The following PTCHD1 variants were observed in gnomAD, a reference collection of about 807,000 sequenced individuals.
PTCHD1 encodes patched domain containing 1, also known as patched domain-containing protein 1.
PTCHD1 carries 3 observed loss-of-function variants against 34.6 expected under a neutral mutation model. That is an observed-to-expected ratio of 0.09 (90% CI 0.04 to 0.22). PTCHD1 has a LOEUF of 0.22. Among genes scored for constraint, PTCHD1 ranks in the 10% least tolerant of loss-of-function variants. The probability of loss-of-function intolerance (pLI) is 1.00; values close to 1 mark genes in which losing one functional copy is unlikely to be tolerated. For synonymous variants in PTCHD1, 305 were observed against 283.1 expected, an observed-to-expected ratio of 1.08 and a Z score of -0.77; for missense variants, 504 against 685.5, an observed-to-expected ratio of 0.74 and a Z score of 2.96.
intron 2 of PTCHD1, among the ~76,000 whole-genome samples, chrX:23,383,958 C>T (rs1233900823): frequency 1.8e-5 from 2 of 112,361 alleles, no homozygotes; most frequent in Non-Finnish European, 3.8e-5. Flanking sequence ...TGAAGATTTA[C>T]ACCATTATTC....
intron 1 of PTCHD1, among the ~76,000 whole-genome samples, chrX:23,368,795 G>T (rs1315654498): frequency 1.8e-5 from 2 of 111,843 alleles, no homozygotes; most frequent in Non-Finnish European, 3.8e-5. Context: ...GGGTGCGGTG[G>T]CTCACGCCTG....
In PTCHD1 at chrX:23,394,271, C is replaced by T; in HGVS notation, c.*86C>T. The T allele has an allele frequency of 1.6e-6, 1 of 622,548 alleles. No homozygotes were observed. Among genetic ancestry groups the T allele is most frequent in the Non-Finnish European group, 2.4e-6 (1 of 411,559 alleles). The allele number at this position is 622,548 out of a possible 1,213,427, so 51.3% of individuals were successfully genotyped here. A position where few individuals can be genotyped will look rare whatever the true frequency, so the allele number is the denominator to read the frequency against. ...TGAAACAATTAAATTCAAAGTTCTT[C>T]CCTTTTTTAAAGATAGGAAACAGGC... On this transcript the variant is annotated 3_prime_UTR_variant, in exon 3 of 3. Transcript: ENST00000379361.
At chrX:23,352,533 G>C (rs747816702) in intron 1 of PTCHD1, among the ~76,000 whole-genome samples, 17 of 111,724 alleles carry the variant, frequency 1.5e-4, no homozygotes, top group Non-Finnish European at 2.6e-4. Context: ...TATTAACTCC[G>C]AGAATTATTT....
intron 1 of PTCHD1, chrX:23,351,293 T>C (rs770939641): frequency 1.2e-6 from 1 of 852,959 alleles, no homozygotes; most frequent in Non-Finnish European, 1.7e-6. Context: ...ACACAAAAGA[T>C]GTTGGACAAC....
intron 2 of PTCHD1, among the ~76,000 whole-genome samples, chrX:23,390,989 T>C (rs932223546): frequency 1.8e-5 from 2 of 111,977 alleles, no homozygotes; most frequent in South Asian, 7.5e-4. Flanking sequence ...CTGATCCCCA[T>C]TGCCAAGACA....
upstream of PTCHD1, chrX:23,334,823 A>C: frequency 1.2e-6 from 1 of 850,687 alleles, no homozygotes; most frequent in Non-Finnish European, 1.5e-6. Context: ...CCGCCGCCCG[A>C]ACCCGCGCCG....
At chrX:23,369,260 C>G (rs1922220841) in intron 1 of PTCHD1, among the ~76,000 whole-genome samples, 1 of 111,144 alleles carries the variant, frequency 9.0e-6, no homozygotes, top group Admixed American at 9.6e-5. Flanking sequence ...CTGTTTAGTA[C>G]TGGTCGGAGT....
At chrX:23,386,965 T>G (rs967784368) in intron 2 of PTCHD1, among the ~76,000 whole-genome samples, 2 of 112,225 alleles carry the variant, frequency 1.8e-5, no homozygotes, top group Admixed American at 1.9e-4. Flanking sequence ...GTTTAAAATG[T>G]GAGTAGCACC....
intron 1 of PTCHD1, among the ~76,000 whole-genome samples, chrX:23,378,571 G>T (rs974383091): frequency 8.9e-6 from 1 of 111,976 alleles, no homozygotes; most frequent in Admixed American, 9.4e-5. Flanking sequence ...ATGGTGAGGG[G>T]CCAAGAGCAC....
chrX:23,363,052 G>T (rs776988634), intron 1 of PTCHD1, among the ~76,000 whole-genome samples: 1 of 112,015 alleles, frequency 8.9e-6, no homozygotes, highest in East Asian at 2.8e-4. Context: ...ACCTGTATGA[G>T]GTGTCAGTCA....
chrX:23,383,262 A>T (rs375734647), intron 2 of PTCHD1, among the ~76,000 whole-genome samples: 1 of 112,398 alleles, frequency 8.9e-6, no homozygotes, highest in Admixed American at 9.4e-5. Flanking sequence ...TTTAAAAGGT[A>T]AAGTATCTTA....
At chrX:23,343,910 G>T (rs1251365826) in intron 1 of PTCHD1, among the ~76,000 whole-genome samples, 1 of 112,324 alleles carries the variant, frequency 8.9e-6, no homozygotes, top group Non-Finnish European at 1.9e-5. Flanking sequence ...TACCTTAATT[G>T]TATGAGGTTT....
Position 23,404,369 on chromosome X carries a change from A to G in PTCHD1, c.*10184A>G, listed in dbSNP as rs1296317732. 3 of 111,459 alleles carry G rather than the reference A, an allele frequency of 2.7e-5. No individual in the cohort carries two copies. The highest frequency in any genetic ancestry group is 1.9e-4 in the Admixed American group (2 of 10,484). 9.2% of individuals were successfully genotyped at this position (111,459 alleles called of 1,213,427 possible). On this transcript the variant is annotated 3_prime_UTR_variant, in exon 3 of 3. Coordinates refer to ENST00000379361, the MANE Select transcript of PTCHD1 (RefSeq NM_173495.3). ...GTGGAATGATTAAATCAAGCTAATTAACATATCTATCATCTCACATATTTC... is the reference window on the plus strand; with the variant it reads ...GTGGAATGATTAAATCAAGCTAATTGACATATCTATCATCTCACATATTTC...
At chrX:23,375,222 T>C (rs925959486) in intron 1 of PTCHD1, among the ~76,000 whole-genome samples, 4 of 111,663 alleles carry the variant, frequency 3.6e-5, no homozygotes, top group African/African-American at 6.5e-5. Flanking sequence ...AGATCTCCAA[T>C]TGTGGCCATC....
Position 23,379,716 on chromosome X carries a change from G to A in PTCHD1, c.477G>A (p.Glu159=), listed in dbSNP as rs866240595. 3 of 1,211,280 alleles carry A rather than the reference G, an allele frequency of 2.5e-6. No homozygotes were observed. The highest frequency in any genetic ancestry group is 5.9e-5 in the East Asian group (2 of 33,835). ...IVDDIVHVLE[E]LKNARATNRT... Reference sequence around the variant, plus strand: ...ATGACATAGTGCACGTCCTGGAAGAGCTAAAGAATGCTCGGGCCACCAATC... The same window carrying A: ...ATGACATAGTGCACGTCCTGGAAGAACTAAAGAATGCTCGGGCCACCAATC... Residue 159 remains glutamate (E), a synonymous_variant, in exon 2 of 3, where the codon GAG becomes GAA. Transcript: ENST00000379361.
intron 1 of PTCHD1, among the ~76,000 whole-genome samples, chrX:23,362,426 C>G (rs1225424586): frequency 2.7e-5 from 3 of 112,211 alleles, no homozygotes; most frequent in Admixed American, 9.4e-5. Context: ...ACCCTTTCTT[C>G]CATTTGATCA....
At chrX:23,361,319 G>A (rs1921976530) in intron 1 of PTCHD1, among the ~76,000 whole-genome samples, 1 of 111,990 alleles carries the variant, frequency 8.9e-6, no homozygotes, top group South Asian at 3.8e-4. Flanking sequence ...CTTGCCTTAT[G>A]AATCTGCGTG....
chrX:23,341,592 G>A (rs1921312354), intron 1 of PTCHD1, among the ~76,000 whole-genome samples: 1 of 112,365 alleles, frequency 8.9e-6, no homozygotes, highest in Non-Finnish European at 1.9e-5. Context: ...CCTGTCTGCA[G>A]CACTGCCTGT....
Position 23,404,219 on chromosome X carries a change from G to A in PTCHD1, c.*10034G>A, listed in dbSNP as rs752846298. The A allele has an allele frequency of 6.3e-5, 7 of 111,965 alleles. No homozygotes were observed. The highest frequency in any genetic ancestry group is 2.3e-4 in the African/African-American group (7 of 30,851). The allele number at this position is 111,965 out of a possible 1,213,427, so 9.2% of individuals were successfully genotyped here. ...GTTTTCAATACTGATATCAAATTTC[G>A]AATGTAAAGGAGATTTCAAATGTAT... On this transcript the variant is annotated 3_prime_UTR_variant, in exon 3 of 3. Coordinates refer to ENST00000379361, the MANE Select transcript of PTCHD1 (RefSeq NM_173495.3).
Sources: gnomAD v4.1 joint callset for allele counts (sites outside exome capture counted in the v4.1 genomes callset) on GRCh38, gnomAD v4.1.1 for gene constraint, MANE v1.5 for transcripts, NCBI Gene and HGNC (gene_info 2026-07-23, HGNC 2026-07-21) for gene names.